The following ADCY8 variants were observed in gnomAD, a reference collection of about 807,000 sequenced individuals.
ADCY8 encodes adenylate cyclase type 8.
In ADCY8, 51 loss-of-function variants were observed where a neutral mutation model predicts 119.7. That is an observed-to-expected ratio of 0.43 (90% CI 0.34 to 0.54). The LOEUF (loss-of-function observed/expected upper bound fraction) is 0.54. Among genes scored for constraint, ADCY8 ranks in the 20% least tolerant of loss-of-function variants. ADCY8 has a pLI of 0.03. For synonymous variants in ADCY8, 665 were observed against 651.0 expected, an observed-to-expected ratio of 1.02 and a Z score of -0.33; for missense variants, 1,383 against 1,598.8, an observed-to-expected ratio of 0.87 and a Z score of 2.30.
Position 131,039,811 on chromosome 8 carries a change from A to G in ADCY8, c.523T>C (p.Leu175=). ...ACTTCCGATTTGCGCCTTTGGCCCA[A>G]GAAATAGCGCTGGTAGAGGCGTTCC... ...DLERLYQRYF[L]GQRRKSEVVM... Residue 175 remains leucine (L), a synonymous_variant, in exon 1 of 18, where the codon TTG becomes CTG. Transcript: ENST00000286355. 2 of 1,614,216 alleles carry G rather than the reference A, an allele frequency of 1.2e-6. No homozygotes were observed. Among genetic ancestry groups the G allele is most frequent in the Non-Finnish European group, 1.7e-6 (2 of 1,180,040 alleles).
intron 8 of ADCY8, 82 bp downstream of exon 8, chr8:130,884,482 G>A: frequency 6.9e-7 from 1 of 1,450,738 alleles, no homozygotes; most frequent in Non-Finnish European, 9.6e-7. Flanking sequence ...CAAAACCACA[G>A]CCCCTGGGCT....
intron 2 of ADCY8, among the ~76,000 whole-genome samples, chr8:130,963,864 C>T (rs1821682503): frequency 1.3e-5 from 2 of 152,064 alleles, no homozygotes; most frequent in Non-Finnish European, 2.9e-5. Context: ...AGACAGAGAC[C>T]AAGTGTCAGA....
intron 9 of ADCY8, among the ~76,000 whole-genome samples, chr8:130,850,612 G>T (rs1225707790): frequency 6.6e-6 from 1 of 152,096 alleles, no homozygotes; most frequent in Non-Finnish European, 1.5e-5. Flanking sequence ...TCTATTTCAG[G>T]CAGCAAACTG....
chr8:130,918,064 T>C (rs896405433), intron 5 of ADCY8, among the ~76,000 whole-genome samples: 4 of 152,302 alleles, frequency 2.6e-5, no homozygotes, highest in Admixed American at 6.5e-5. Context: ...TTATTACAAT[T>C]TTCAAGATAC....
At chr8:130,940,953 C>A (rs1246305042) in intron 4 of ADCY8, among the ~76,000 whole-genome samples, 2 of 152,138 alleles carry the variant, frequency 1.3e-5, no homozygotes, top group Non-Finnish European at 2.9e-5. Flanking sequence ...GGGATGTATA[C>A]TTTGCATTGT....
chr8:130,870,015 C>CT (rs1206530989), intron 8 of ADCY8, among the ~76,000 whole-genome samples: 1 of 87,264 alleles, frequency 1.1e-5, no homozygotes, highest in Non-Finnish European at 2.7e-5. Flanking sequence ...CTTCTTTCTT[C>CT]TTCTTTTTTT....
intron 15 of ADCY8, among the ~76,000 whole-genome samples, chr8:130,786,463 G>T (rs771017458): frequency 6.6e-6 from 1 of 152,154 alleles, no homozygotes; most frequent in Non-Finnish European, 1.5e-5. Context: ...CATATGTCAG[G>T]TTACATGACA....
At chr8:130,830,059 C>T (rs1816783241) in intron 12 of ADCY8, among the ~76,000 whole-genome samples, 1 of 152,178 alleles carries the variant, frequency 6.6e-6, no homozygotes. Flanking sequence ...CCCCTAACAG[C>T]ACTTAGGGTT....
chr8:130,964,740 A>T (rs1304819002), intron 2 of ADCY8, among the ~76,000 whole-genome samples: 1 of 152,216 alleles, frequency 6.6e-6, no homozygotes, highest in Non-Finnish European at 1.5e-5. Context: ...CACTAAAAAA[A>T]TGCTTTCCAC....
intron 1 of ADCY8, among the ~76,000 whole-genome samples, chr8:131,009,053 A>G (rs1368800541): frequency 6.6e-6 from 1 of 152,190 alleles, no homozygotes; most frequent in Non-Finnish European, 1.5e-5. Flanking sequence ...CAACGTGACA[A>G]TGCAAGAGGA....
At chr8:130,883,599 A>T (rs888639072) in intron 8 of ADCY8, among the ~76,000 whole-genome samples, 1 of 152,206 alleles carries the variant, frequency 6.6e-6, no homozygotes, top group Admixed American at 6.6e-5. Flanking sequence ...ACTTACAAAA[A>T]AATTGCTCAC....
intron 1 of ADCY8, among the ~76,000 whole-genome samples, chr8:130,998,099 G>A (rs769329647): frequency 6.6e-6 from 1 of 152,130 alleles, no homozygotes; most frequent in Non-Finnish European, 1.5e-5. Flanking sequence ...AGCAGATAAT[G>A]TCCTGCTGTC....
chr8:131,039,063 G>A (rs1432015423), intron 1 of ADCY8, among the ~76,000 whole-genome samples: 1 of 152,146 alleles, frequency 6.6e-6, no homozygotes, highest in African/African-American at 2.4e-5. Flanking sequence ...CTCCTGCTCC[G>A]GAGACTGCAG....
Position 131,040,480 on chromosome 8 carries a change from C to T in ADCY8, c.-147G>A, listed in dbSNP as rs1824357370. On this transcript the variant is annotated 5_prime_UTR_variant, in exon 1 of 18. Transcript: ENST00000286355. ...CCGTTGCAGGAGCCCTGCGCTAGGG[C>T]TCCCTGTAGGTCGGGTCATACTGTG... 9.7e-7 allele frequency: 1 copy of T among 1,035,546 alleles called. No individual in the cohort carries two copies. The highest frequency in any genetic ancestry group is 3.6e-5 in the Admixed American group (1 of 28,004). 64.1% of individuals were successfully genotyped at this position (1,035,546 alleles called of 1,614,324 possible). A position where few individuals can be genotyped will look rare whatever the true frequency, so the allele number is the denominator to read the frequency against.
At chr8:130,853,068 G>A (rs1480509569) in intron 9 of ADCY8, among the ~76,000 whole-genome samples, 1 of 152,238 alleles carries the variant, frequency 6.6e-6, no homozygotes, top group Non-Finnish European at 1.5e-5. Context: ...CAAGGAAGGA[G>A]GAAGGGCTAA....
At chr8:130,880,327 T>C (rs891527705) in intron 8 of ADCY8, among the ~76,000 whole-genome samples, 3 of 152,196 alleles carry the variant, frequency 2.0e-5, no homozygotes, top group Non-Finnish European at 4.4e-5. Flanking sequence ...AGAGATTTCA[T>C]TTTTTTCTTT....
chr8:130,823,945 C>T (rs1013848260), intron 12 of ADCY8, among the ~76,000 whole-genome samples: 1 of 152,166 alleles, frequency 6.6e-6, no homozygotes, highest in African/African-American at 2.4e-5. Context: ...ACCTTTTGTG[C>T]ACTTAGCAGA....
intron 8 of ADCY8, among the ~76,000 whole-genome samples, chr8:130,873,220 G>C (rs2917050): frequency 0.66 from 101,023 of 152,078 alleles, 33,872 homozygotes; most frequent in East Asian, 0.92. Flanking sequence ...TGACTGTAAG[G>C]TAAAAGGCAC....
intron 5 of ADCY8, among the ~76,000 whole-genome samples, chr8:130,933,634 AC>A (rs1820700283): frequency 6.6e-6 from 1 of 152,258 alleles, no homozygotes; most frequent in Non-Finnish European, 1.5e-5. Flanking sequence ...TTTGATTCAT[AC>A]AGTTTGAAAA....
Sources: allele counts gnomAD v4.1 joint callset (sites outside exome capture counted in the v4.1 genomes callset), GRCh38; gene constraint gnomAD v4.1.1; transcripts MANE v1.5; gene names NCBI Gene and HGNC (gene_info 2026-07-23, HGNC 2026-07-21).